The following SPACA7 variants were observed in gnomAD, a reference collection of about 807,000 sequenced individuals.
The protein encoded by SPACA7 is sperm acrosome associated 7.
SPACA7 carries 19 observed loss-of-function variants against 26.3 expected under a neutral mutation model. The ratio of observed to expected loss-of-function variants is 0.72; its 90% CI spans 0.50 to 1.06. The LOEUF is 1.06. Among genes scored for constraint, SPACA7 ranks in the 50% least tolerant of loss-of-function variants. The pLI is 0.00. For synonymous variants in SPACA7, 84 were observed against 84.5 expected (o/e 0.99, Z 0.04); for missense variants, 211 against 229.9 (o/e 0.92, Z 0.53).
chr13:112,399,396 GC>G (rs1885493884), intron 4 of SPACA7, among the ~76,000 whole-genome samples: 2 of 152,240 alleles, frequency 1.3e-5, no homozygotes, highest in African/African-American at 2.4e-5. Context: ...AAAAAACACA[GC>G]CCAGGGAAGC....
Position 112,383,044 on chromosome 13 carries a change from GACAGAAGGAA to G in SPACA7, c.94+6567_94+6576del, listed in dbSNP as rs1566452363. 4.1e-3 allele frequency among the ~76,000 whole-genome samples: 588 copies of G among 142,378 alleles called. 2 individuals carry two copies. The highest frequency in any genetic ancestry group is 0.011 in the African/African-American group (401 of 37,166). 93.4% of individuals were successfully genotyped at this position (142,378 alleles called of 152,430 possible). A position where few individuals can be genotyped will look rare whatever the true frequency, so the allele number is the denominator to read the frequency against. ...AGAAAGAAAGAGAGAGAGAGAGAAAGACAGAAGGAAAGAAAGAGACAGAAAGAGAAAGAAA... is the reference window on the plus strand; with the variant it reads ...AGAAAGAAAGAGAGAGAGAGAGAAAGAGAAAGAGACAGAAAGAGAAAGAAA... On this transcript the variant is annotated intron_variant, in intron 1 of 6. Coordinates refer to ENST00000283550, the MANE Select transcript of SPACA7 (RefSeq NM_145248.5).
chr13:112,415,213 G>A (rs1171535316), intron 5 of SPACA7, among the ~76,000 whole-genome samples: 1 of 152,242 alleles, frequency 6.6e-6, no homozygotes, highest in African/African-American at 2.4e-5. Context: ...GGAGTTGGAA[G>A]AGGAGTGATA....
intron 5 of SPACA7, among the ~76,000 whole-genome samples, chr13:112,426,337 G>A (rs1208601060): frequency 6.6e-6 from 1 of 152,132 alleles, no homozygotes; most frequent in Non-Finnish European, 1.5e-5. Context: ...TTGATCACAG[G>A]TTTGAATTTT....
rs564970859 is a variant in SPACA7, at chr13:112,434,452, C to T, written c.524-33C>T. The T allele has an allele frequency of 1.5e-5, 24 of 1,577,376 alleles. No individual in the cohort carries two copies. The South Asian group carries it at 2.8e-4, about 18-fold the overall frequency. On this transcript the variant is annotated intron_variant, in intron 6 of 6. Coordinates refer to ENST00000283550, the MANE Select transcript of SPACA7 (RefSeq NM_145248.5). ...GCCTCCATCTCCCTCATACCACACACTGCCAGTCTCAAAATCTCCTCTTTC... is the reference window on the plus strand; with the variant it reads ...GCCTCCATCTCCCTCATACCACACATTGCCAGTCTCAAAATCTCCTCTTTC...
intron 1 of SPACA7, among the ~76,000 whole-genome samples, chr13:112,384,631 G>T (rs1021353758): frequency 2.6e-5 from 4 of 152,080 alleles, no homozygotes; most frequent in African/African-American, 9.7e-5. Flanking sequence ...AGAATCCCAT[G>T]TCATTATAAT....
intron 5 of SPACA7, among the ~76,000 whole-genome samples, chr13:112,416,289 T>TTGTTGTTGTTGTTG (rs34676220): frequency 0.019 from 1,886 of 99,848 alleles, 18 homozygotes; most frequent in South Asian, 0.036. Flanking sequence ...GTTGTTGTTG[T>TTGTTGTTGTTGTTG]TTGTTGTTGT....
intron 1 of SPACA7, among the ~76,000 whole-genome samples, chr13:112,381,841 T>C (rs1300804312): frequency 2.0e-5 from 3 of 152,138 alleles, no homozygotes; most frequent in Non-Finnish European, 4.4e-5. Context: ...ACTTTATCCA[T>C]CTGGGTGGTG....
intron 2 of SPACA7, among the ~76,000 whole-genome samples, chr13:112,394,877 C>T (rs1156251362): frequency 2.0e-5 from 3 of 152,134 alleles, no homozygotes; most frequent in African/African-American, 7.2e-5. Flanking sequence ...GATATTTTTC[C>T]TGGGTCCTGA....
chr13:112,399,468 T>A (rs1204536498), intron 4 of SPACA7, among the ~76,000 whole-genome samples: 1 of 152,086 alleles, frequency 6.6e-6, no homozygotes, highest in African/African-American at 2.4e-5. Flanking sequence ...GCTGCCACAA[T>A]GCCTGGCCCC....
chr13:112,379,398 A>G (rs1297059238), intron 1 of SPACA7, among the ~76,000 whole-genome samples: 2 of 152,244 alleles, frequency 1.3e-5, no homozygotes, highest in African/African-American at 4.8e-5. Context: ...GACAAAAGAC[A>G]TAAAATGCAT....
intron 2 of SPACA7, among the ~76,000 whole-genome samples, chr13:112,397,701 G>A (rs1234068558): frequency 6.6e-6 from 1 of 152,240 alleles, no homozygotes; most frequent in Non-Finnish European, 1.5e-5. Flanking sequence ...ACGGAGGGCA[G>A]CTTTGGGAGA....
In SPACA7 at chr13:112,391,406, G is replaced by C. The variant is rs551664420; in HGVS notation, c.95-1615G>C. Among the ~76,000 whole-genome samples the C allele has an allele frequency of 2.0e-5, 3 of 152,332 alleles. No individual in the cohort carries two copies. The East Asian group carries it at 5.8e-4, about 29-fold the overall frequency. ...TTGAGATGTTGGACCTTTAGGGAGA[G>C]AGGAGAGCAGTTAACGTGGTCCTAG... is the stretch of plus-strand genomic sequence containing the variant. On this transcript the variant is annotated intron_variant, in intron 1 of 6. Coordinates refer to ENST00000283550, the MANE Select transcript of SPACA7 (RefSeq NM_145248.5).
intron 5 of SPACA7, 146 bp from the exon 6 acceptor site, chr13:112,432,298 A>T: frequency 1.6e-6 from 1 of 613,400 alleles, no homozygotes; most frequent in Non-Finnish European, 3.0e-6. Context: ...CTGTGTCTCG[A>T]GAAGCTGCAG....
At chr13:112,386,264 G>A (rs990977902) in intron 1 of SPACA7, among the ~76,000 whole-genome samples, 3 of 152,210 alleles carry the variant, frequency 2.0e-5, no homozygotes, top group Admixed American at 1.3e-4. Context: ...AGTAGGCAAA[G>A]AGTCAAGTAT....
intron 5 of SPACA7, among the ~76,000 whole-genome samples, chr13:112,409,200 A>C (rs1886186242): frequency 6.6e-6 from 1 of 152,248 alleles, no homozygotes; most frequent in African/African-American, 2.4e-5. Context: ...CTTATACCTT[A>C]TACAAAAATT....
At chr13:112,390,840 G>A (rs1274665760) in intron 1 of SPACA7, among the ~76,000 whole-genome samples, 2 of 152,228 alleles carry the variant, frequency 1.3e-5, no homozygotes, top group Admixed American at 6.5e-5. Flanking sequence ...TCAGATTTGA[G>A]TGGGGACATA....
intron 6 of SPACA7, among the ~76,000 whole-genome samples, chr13:112,433,547 C>G (rs1188641745): frequency 6.6e-6 from 1 of 151,788 alleles, no homozygotes; most frequent in African/African-American, 2.4e-5. Flanking sequence ...CAGCCCCTCA[C>G]TGTCCACAAG....
At chr13:112,425,439 C>A (rs546223027) in intron 5 of SPACA7, among the ~76,000 whole-genome samples, 14 of 152,360 alleles carry the variant, frequency 9.2e-5, no homozygotes, top group Middle Eastern at 3.4e-3. Flanking sequence ...CTCGGCCCGG[C>A]CGCTGGAGCC....
intron 1 of SPACA7, among the ~76,000 whole-genome samples, chr13:112,381,466 C>G (rs2138858300): frequency 6.7e-6 from 1 of 148,514 alleles, no homozygotes; most frequent in Non-Finnish European, 1.5e-5. Context: ...GCACTCCAGC[C>G]TGGCTGACAG....
Sources: gnomAD v4.1 joint callset for allele counts (sites outside exome capture counted in the v4.1 genomes callset) on GRCh38, gnomAD v4.1.1 for gene constraint, MANE v1.5 for transcripts, NCBI Gene and HGNC (gene_info 2026-07-23, HGNC 2026-07-21) for gene names.